PRSS35: variants seen among roughly 807,000 people sequenced by gnomAD.
PRSS35 encodes the protein inactive serine protease 35.
PRSS35 carries 7 observed loss-of-function variants against 8.1 expected under a neutral mutation model. The observed-to-expected ratio is 0.86, with a 90% CI of 0.49 to 1.62. The LOEUF is 1.62. Among genes scored for constraint, PRSS35 ranks in the 40% most tolerant of loss-of-function variants. PRSS35 has a pLI of 0.00. For missense variants in PRSS35, 566 were observed against 518.0 expected (o/e 1.09, Z -0.90); for synonymous variants, 199 against 188.7 (o/e 1.05, Z -0.45).
At chr6:83,518,254 G>A (rs1771757944) in intron 1 of PRSS35, among the ~76,000 whole-genome samples, 1 of 151,986 alleles carries the variant, frequency 6.6e-6, no homozygotes, top group Non-Finnish European at 1.5e-5. Flanking sequence ...GAGCCTTAAG[G>A]TATAATGTCA....
In PRSS35 at chr6:83,520,977, A is replaced by C. The variant is rs557896384; in HGVS notation, c.-20-2445A>C. 3.9e-4 allele frequency among the ~76,000 whole-genome samples: 60 copies of C among 152,276 alleles called. 1 individual carries two copies. The South Asian group carries it at 0.011, about 29-fold the overall frequency. On this transcript the variant is annotated intron_variant, in intron 1 of 1. Transcript: ENST00000369700. ...AGATACTTTGTGTCTCTTGACGTGG[A>C]TATTTGGCTGACTTTCAAGCTTTGA...
At chr6:83,518,741 A>G (rs1474574144) in intron 1 of PRSS35, among the ~76,000 whole-genome samples, 3 of 152,244 alleles carry the variant, frequency 2.0e-5, no homozygotes, top group Non-Finnish European at 4.4e-5. Flanking sequence ...TTTTGAAGTG[A>G]TACAAATTCA....
chr6:83,520,416 G>A (rs1325679118), intron 1 of PRSS35, among the ~76,000 whole-genome samples: 3 of 152,166 alleles, frequency 2.0e-5, no homozygotes, highest in Non-Finnish European at 4.4e-5. Flanking sequence ...TCTGGGGCAG[G>A]CCCTGAGAAT....
Position 83,523,475 on chromosome 6 carries a change from A to G in PRSS35, c.34A>G (p.Thr12Ala). ...TATGCTGCTTTGGTTGATATTTTTC[A>G]CCCCTGGGTGGACCCTCATTGATGG... is the stretch of plus-strand genomic sequence containing the variant. ...ENMLLWLIFF[T>A]PGWTLIDGSE... The change falls in exon 2 of 2, where the codon ACC (threonine) becomes GCC (alanine). Residue 12 changes from threonine (T) to alanine (A), a missense_variant. By Grantham distance (58) the Thr-to-Ala change is moderately conservative. Transcript: ENST00000369700. 5 of 1,612,860 alleles carry G rather than the reference A, an allele frequency of 3.1e-6. No homozygotes were observed. The highest frequency in any genetic ancestry group is 4.2e-6 in the Non-Finnish European group (5 of 1,179,640).
chr6:83,525,674 A>T lies in PRSS35; in HGVS notation c.*991A>T, dbSNP rs895355545. On this transcript the variant is annotated 3_prime_UTR_variant, in exon 2 of 2. Transcript: ENST00000369700. ...AATTTTAGATATGTCCTTTCCTAAAAATGAATAAAATTTATGAATATGACT... is the reference window on the plus strand; with the variant it reads ...AATTTTAGATATGTCCTTTCCTAAATATGAATAAAATTTATGAATATGACT... 1 of 167,036 alleles carries T rather than the reference A, an allele frequency of 6.0e-6. No homozygotes were observed. The highest frequency in any genetic ancestry group is 2.4e-5 in the African/African-American group (1 of 41,464). The allele number at this position is 167,036 out of a possible 1,614,324, so 10.3% of individuals were successfully genotyped here.
chr6:83,516,607 T>G (rs959775851), intron 1 of PRSS35, among the ~76,000 whole-genome samples: 10 of 150,882 alleles, frequency 6.6e-5, no homozygotes, highest in Non-Finnish European at 1.3e-4. Flanking sequence ...AAATCTGAAG[T>G]TGTATTGTGA....
At position 83,523,731 on chromosome 6, in the gene PRSS35, G is replaced by T. The variant is rs1318950636; in HGVS notation, c.290G>T (p.Arg97Met). 4 of 1,614,162 alleles carry T rather than the reference G, an allele frequency of 2.5e-6. No homozygotes were observed. The highest frequency in any genetic ancestry group is 3.4e-6 in the Non-Finnish European group (4 of 1,180,040). ...GAGAATGGCACCCGAACCTTAACCAGGGTGAAAGTTCAAGATTTGGTTCTT... is the reference window on the plus strand; with the variant it reads ...GAGAATGGCACCCGAACCTTAACCATGGTGAAAGTTCAAGATTTGGTTCTT... ...VFENGTRTLTRVKVQDLVLEP... is the reference protein window; with the variant it reads ...VFENGTRTLTMVKVQDLVLEP... The change falls in exon 2 of 2, where the codon AGG becomes ATG. Residue 97 changes from arginine to methionine, a missense_variant. Physicochemically the swap from Arg to Met is moderately conservative, Grantham distance 91 (BLOSUM62 -1). Coordinates refer to ENST00000369700, the MANE Select transcript of PRSS35 (RefSeq NM_153362.3).
In PRSS35 at chr6:83,524,551, C is replaced by T. The variant is rs1261358069; in HGVS notation, c.1110C>T (p.Tyr370=). ...GGAAGCGCAAAATCATTGCGGTCTA[C>T]TCAGGGCACCAGTGGGTGGATGTCC... The part of the protein sequence containing the change: ...KNWKRKIIAV[Y]SGHQWVDVHG... The change falls in exon 2 of 2, where the codon TAC becomes TAT. Residue 370 remains tyrosine, a synonymous_variant. Transcript: ENST00000369700. 2 of 1,614,186 alleles carry T rather than the reference C, an allele frequency of 1.2e-6. No homozygotes were observed. The highest frequency in any genetic ancestry group is 1.7e-6 in the Non-Finnish European group (2 of 1,180,036).
At chr6:83,522,870 G>C (rs938937634) in intron 1 of PRSS35, among the ~76,000 whole-genome samples, 3 of 151,812 alleles carry the variant, frequency 2.0e-5, no homozygotes, top group Non-Finnish European at 4.4e-5. Context: ...CTTCACATCA[G>C]TTTGGGCTGC....
intron 1 of PRSS35, among the ~76,000 whole-genome samples, chr6:83,516,114 A>T (rs1662102538): frequency 6.6e-6 from 1 of 151,414 alleles, no homozygotes; most frequent in African/African-American, 2.4e-5. Context: ...AGCCTCCGCC[A>T]CTCCCTACTA....
chr6:83,522,537 A>G (rs1449978925), intron 1 of PRSS35, among the ~76,000 whole-genome samples: 1 of 152,204 alleles, frequency 6.6e-6, no homozygotes, highest in Non-Finnish European at 1.5e-5. Flanking sequence ...AAAAGGGACT[A>G]TATCTAACCA....
In PRSS35 at chr6:83,523,910, A is replaced by T; in HGVS notation, c.469A>T (p.Ile157Phe). The change falls in exon 2 of 2, where the codon ATT becomes TTT. Residue 157 changes from isoleucine (I) to phenylalanine (F), a missense_variant. Coordinates refer to ENST00000369700, the MANE Select transcript of PRSS35 (RefSeq NM_153362.3). Reference protein sequence around the residue: ...AVKLSTGCSGILISPQHVLTA... With the variant: ...AVKLSTGCSGFLISPQHVLTA... ...GAAGCTTTCCACGGGCTGTAGTGGC[A>T]TTCTCATTTCCCCTCAGCATGTTCT... is the stretch of plus-strand genomic sequence containing the variant. The T allele has an allele frequency of 6.2e-7, 1 of 1,614,214 alleles. No homozygotes were observed.
Position 83,524,251 on chromosome 6 carries a change from C to T in PRSS35, c.810C>T (p.Asp270=). Residue 270 remains aspartate (D), a synonymous_variant, in exon 2 of 2, where the codon GAC becomes GAT. Coordinates refer to ENST00000369700, the MANE Select transcript of PRSS35 (RefSeq NM_153362.3). ...PKGWARGGMG[D]ATLDYDYALL... Reference sequence around the variant, plus strand: ...GCTGGGCACGAGGAGGCATGGGGGACGCTACCTTGGACTATGACTATGCTC... The same window carrying T: ...GCTGGGCACGAGGAGGCATGGGGGATGCTACCTTGGACTATGACTATGCTC... The T allele has an allele frequency of 5.0e-6, 8 of 1,614,062 alleles. No homozygotes were observed. Among genetic ancestry groups the T allele is most frequent in the East Asian group, 2.2e-5 (1 of 44,860 alleles).
At chr6:83,517,017 T>C (rs902907871) in intron 1 of PRSS35, among the ~76,000 whole-genome samples, 4 of 152,236 alleles carry the variant, frequency 2.6e-5, no homozygotes, top group African/African-American at 7.2e-5. Flanking sequence ...ATGTATGAAA[T>C]ACCTTGTAAA....
chr6:83,512,950 C>T (rs1235157283), intron 1 of PRSS35, among the ~76,000 whole-genome samples: 1 of 152,156 alleles, frequency 6.6e-6, no homozygotes, highest in East Asian at 1.9e-4. Flanking sequence ...TTAAGCAGTA[C>T]CAGAGGGGAC....
chr6:83,514,050 G>T (rs894591352), intron 1 of PRSS35, among the ~76,000 whole-genome samples: 1 of 152,182 alleles, frequency 6.6e-6, no homozygotes, highest in Non-Finnish European at 1.5e-5. Flanking sequence ...AGTTAAGTTA[G>T]TAGTATGCAA....
chr6:83,524,934 T>G lies in PRSS35; in HGVS notation c.*251T>G. 3 of 422,976 alleles carry G rather than the reference T, an allele frequency of 7.1e-6. No homozygotes were observed. Among genetic ancestry groups the G allele is most frequent in the Middle Eastern group, 6.5e-4 (1 of 1,544 alleles). The allele number at this position is 422,976 out of a possible 1,614,324, so 26.2% of individuals were successfully genotyped here. A position where few individuals can be genotyped will look rare whatever the true frequency, so the allele number is the denominator to read the frequency against. The stretch of plus-strand genomic sequence containing the variant: ...TGATGAGTTTCATTTGTAGAAAAAT[T>G]TTGTTGCCTTCTTAAAAATTAGACA... On this transcript the variant is annotated 3_prime_UTR_variant, in exon 2 of 2. Coordinates refer to ENST00000369700, the MANE Select transcript of PRSS35 (RefSeq NM_153362.3).
chr6:83,515,578 C>T (rs1771697671), intron 1 of PRSS35, among the ~76,000 whole-genome samples: 1 of 152,084 alleles, frequency 6.6e-6, no homozygotes. Context: ...AATCACAGCT[C>T]ACTGCAGCGT....
Position 83,523,940 on chromosome 6 carries a change from G to A in PRSS35, c.499G>A (p.Ala167Thr). The A allele has an allele frequency of 6.2e-7, 1 of 1,614,152 alleles. No homozygotes were observed. The highest frequency in any genetic ancestry group is 8.5e-7 in the Non-Finnish European group (1 of 1,180,036). ...CATTTCCCCTCAGCATGTTCTAACT[G>A]CTGCCCACTGTGTTCATGATGGAAA... is the stretch of plus-strand genomic sequence containing the variant. ...ILISPQHVLT[A>T]AHCVHDGKDY... is the part of the protein sequence containing the mutation. Residue 167 changes from alanine (A) to threonine (T), a missense_variant, in exon 2 of 2, where the codon GCT becomes ACT. Physicochemically the swap from Ala to Thr is moderately conservative, Grantham distance 58. Transcript: ENST00000369700.
Sources: allele counts gnomAD v4.1 joint callset (sites outside exome capture counted in the v4.1 genomes callset), GRCh38; gene constraint gnomAD v4.1.1; transcripts MANE v1.5; gene names NCBI Gene and HGNC (gene_info 2026-07-23, HGNC 2026-07-21).